Variants in DNAJB13 observed in about 807,000 individuals in gnomAD.
DNAJB13 encodes dnaJ homolog subfamily B member 13.
In DNAJB13, 22 loss-of-function variants were observed where a neutral mutation model predicts 35.6. The ratio of observed to expected loss-of-function variants is 0.62; its 90% CI spans 0.44 to 0.88. The LOEUF (loss-of-function observed/expected upper bound fraction) is 0.88, where lower values mean the gene tolerates loss of function less well. Ranked by LOEUF, DNAJB13 falls within the 40% of genes least tolerant of loss-of-function variation. The probability of loss-of-function intolerance (pLI) is 0.00; values close to 1 mark genes in which losing one functional copy is unlikely to be tolerated. For missense variants in DNAJB13, 370 were observed against 384.3 expected (o/e 0.96, Z 0.31); for synonymous variants, 136 against 144.2 (o/e 0.94, Z 0.41).
chr11:73,959,458 A>T (rs1220135642), intron 2 of DNAJB13, 36 bp from the exon 3 acceptor site: 1 of 1,588,706 alleles, frequency 6.3e-7, no homozygotes, highest in East Asian at 2.3e-5. Context: ...CAGCCCCCAA[A>T]GTTGGACACC....
rs1416929750 is a variant in DNAJB13 at position 73,970,237 on chromosome 11, G to T, written c.*123G>T. 5 of 1,279,934 alleles carry T rather than the reference G, an allele frequency of 3.9e-6. No homozygotes were observed. Among genetic ancestry groups the T allele is most frequent in the Middle Eastern group, 2.0e-4 (1 of 4,900 alleles). 79.3% of individuals were successfully genotyped at this position (1,279,934 alleles called of 1,614,324 possible). On this transcript the variant is annotated 3_prime_UTR_variant, in exon 8 of 8. Transcript: ENST00000339764. ...AGATATGATACAAGGGTGGGATGGCGCAGGGCTTAAACTGACATAATAAAG... is the reference window on the plus strand; with the variant it reads ...AGATATGATACAAGGGTGGGATGGCTCAGGGCTTAAACTGACATAATAAAG...
At chr11:73,952,212 G>A (rs1217732015) in intron 1 of DNAJB13, among the ~76,000 whole-genome samples, 1 of 152,146 alleles carries the variant, frequency 6.6e-6, no homozygotes, top group African/African-American at 2.4e-5. Context: ...GGCTGTTCGT[G>A]GTAATCAAGG....
At chr11:73,953,567 C>T (rs1591168108) in intron 1 of DNAJB13, among the ~76,000 whole-genome samples, 1 of 152,240 alleles carries the variant, frequency 6.6e-6, no homozygotes, top group East Asian at 1.9e-4. Flanking sequence ...AGAAACAGAA[C>T]AGGGCAGGGA....
chr11:73,959,544 G>A lies in DNAJB13; in HGVS notation c.223G>A (p.Gly75Arg). The change falls in exon 3 of 8, where the codon GGG becomes AGG. Residue 75 changes from glycine to arginine, a missense_variant. By Grantham distance (125) the Gly-to-Arg change is moderately radical. Coordinates refer to ENST00000339764, the MANE Select transcript of DNAJB13 (RefSeq NM_153614.4). ...DKFGEEGLKG[G>R]IPLEFGSQTP... ...GTTTGGAGAAGAGGGCCTGAAGGGT[G>A]GGATTCCTTTGGAGTTTGGATCCCA... 2 of 1,614,118 alleles carry A rather than the reference G, an allele frequency of 1.2e-6. No individual in the cohort carries two copies. Among genetic ancestry groups the A allele is most frequent in the Non-Finnish European group, 8.5e-7 (1 of 1,179,984 alleles).
chr11:73,965,222 C>T lies in DNAJB13; in HGVS notation c.492+187C>T, dbSNP rs141642547. The stretch of plus-strand genomic sequence containing the variant: ...CGGAAGGGACAGTTGAAGACATTAG[C>T]CCGGTTCTTTCCTAGTGCAGGAGTG... On this transcript the variant is annotated intron_variant, in intron 4 of 7. Coordinates refer to ENST00000339764, the MANE Select transcript of DNAJB13 (RefSeq NM_153614.4). The T allele has an allele frequency of 3.7e-3, 2,349 of 628,222 alleles. 7 individuals carry two copies. Among genetic ancestry groups the T allele is most frequent in the Non-Finnish European group, 5.2e-3 (2,051 of 393,362 alleles). The allele number at this position is 628,222 out of a possible 1,614,324, so 38.9% of individuals were successfully genotyped here.
intron 1 of DNAJB13, among the ~76,000 whole-genome samples, chr11:73,953,190 C>T (rs1036169715): frequency 1.3e-5 from 2 of 152,150 alleles, no homozygotes; most frequent in African/African-American, 2.4e-5. Flanking sequence ...TGCACCACTG[C>T]ACTCCAGTCT....
chr11:73,958,520 C>G, intron 2 of DNAJB13, 100 bp downstream of exon 2: 1 of 1,058,754 alleles, frequency 9.4e-7, no homozygotes, highest in Admixed American at 2.1e-5. Flanking sequence ...GAGGAAGCAT[C>G]CTTCTTCCCT....
chr11:73,964,357 CTT>C (rs1180789763), intron 3 of DNAJB13: 2 of 158,102 alleles, frequency 1.3e-5, no homozygotes, highest in Non-Finnish European at 2.8e-5. Context: ...TTTATAGAAA[CTT>C]GAGTCTGGGG....
At chr11:73,952,546 G>A (rs1032274459) in intron 1 of DNAJB13, among the ~76,000 whole-genome samples, 2 of 152,186 alleles carry the variant, frequency 1.3e-5, no homozygotes, top group Admixed American at 1.3e-4. Flanking sequence ...AGTGGCATAA[G>A]TGGAGAGTCT....
intron 1 of DNAJB13, among the ~76,000 whole-genome samples, chr11:73,955,307 CTTTTTT>C (rs570240877): frequency 2.2e-5 from 3 of 134,794 alleles, no homozygotes; most frequent in Non-Finnish European, 1.6e-5. Context: ...AACCTTGTTA[CTTTTTT>C]TTTTTTTTTT....
chr11:73,968,059 G>A, intron 5 of DNAJB13: 1 of 503,430 alleles, frequency 2.0e-6, no homozygotes, highest in African/African-American at 1.9e-5. Context: ...CCAGCTTAGT[G>A]TTCCACCTGC....
chr11:73,956,158 C>A (rs1041349065), intron 1 of DNAJB13, among the ~76,000 whole-genome samples: 7 of 152,162 alleles, frequency 4.6e-5, no homozygotes, highest in Non-Finnish European at 1.0e-4. Flanking sequence ...ACAGAGGAGT[C>A]AATATACACC....
At chr11:73,957,201 G>A (rs949945731) in intron 1 of DNAJB13, among the ~76,000 whole-genome samples, 18 of 152,228 alleles carry the variant, frequency 1.2e-4, no homozygotes, top group African/African-American at 4.1e-4. Flanking sequence ...ATCAGGCGGG[G>A]AGATGGGGAG....
At chr11:73,963,358 G>A (rs536842125) in intron 3 of DNAJB13, among the ~76,000 whole-genome samples, 4 of 148,210 alleles carry the variant, frequency 2.7e-5, no homozygotes, top group South Asian at 2.2e-4. Context: ...AAAAAAAAAA[G>A]AAAAAAGAAA....
At chr11:73,953,521 G>T (rs1950639092) in intron 1 of DNAJB13, among the ~76,000 whole-genome samples, 1 of 152,210 alleles carries the variant, frequency 6.6e-6, no homozygotes, top group Admixed American at 6.5e-5. Flanking sequence ...AGCAAACAAG[G>T]GGTACGTGAC....
rs958357096 is a variant in DNAJB13, at chr11:73,969,127, C to T, written c.721-119C>T. 1.6e-5 allele frequency: 9 copies of T among 548,366 alleles called. No individual in the cohort carries two copies. In the East Asian group the frequency reaches 2.9e-4, roughly 18 times the overall value. The allele number at this position is 548,366 out of a possible 1,614,324, so 34.0% of individuals were successfully genotyped here. On this transcript the variant is annotated intron_variant, in intron 6 of 7. Transcript: ENST00000339764. ...CATTCACCTATTAGTTATTGAACAGCCTCGTCTCCCTTGTGCCCAACTCAC... is the reference window on the plus strand; with the variant it reads ...CATTCACCTATTAGTTATTGAACAGTCTCGTCTCCCTTGTGCCCAACTCAC...
intron 1 of DNAJB13, among the ~76,000 whole-genome samples, chr11:73,953,943 C>A (rs186963086): frequency 1.1e-4 from 16 of 149,692 alleles, no homozygotes; most frequent in Non-Finnish European, 1.6e-4. Flanking sequence ...AGCGAGATTG[C>A]GCCACTGCAC....
chr11:73,968,862 C>T lies in DNAJB13; in HGVS notation c.721-384C>T, dbSNP rs144950237. ...CCTGTGTGGCGCATTGTCACACCTC[C>T]GTTCTCATTTCTGCTGGGCCCTCTC... On this transcript the variant is annotated intron_variant, in intron 6 of 7. Coordinates refer to ENST00000339764, the MANE Select transcript of DNAJB13 (RefSeq NM_153614.4). Among the ~76,000 whole-genome samples, 1,283 of 152,196 alleles carry T rather than the reference C, an allele frequency of 8.4e-3. 17 individuals carry two copies. The highest frequency in any genetic ancestry group is 0.027 in the Middle Eastern group (8 of 294).
chr11:73,954,645 A>ATAAATAG (rs1950690192), intron 1 of DNAJB13, among the ~76,000 whole-genome samples: 1 of 138,114 alleles, frequency 7.2e-6, no homozygotes, highest in African/African-American at 2.7e-5. Context: ...AAAAAAATAA[A>ATAAATAG]ATAAATAAAT....
Sources: allele counts gnomAD v4.1 joint callset (sites outside exome capture counted in the v4.1 genomes callset), GRCh38; gene constraint gnomAD v4.1.1; transcripts MANE v1.5; gene names NCBI Gene and HGNC (gene_info 2026-07-23, HGNC 2026-07-21).